MPPED1: variants seen among roughly 807,000 people sequenced by gnomAD.
MPPED1 encodes metallophosphoesterase domain-containing protein 1.
In MPPED1, 16 loss-of-function variants were observed where a neutral mutation model predicts 36.2. The ratio of observed to expected loss-of-function variants is 0.44; its 90% CI spans 0.30 to 0.67. The LOEUF (loss-of-function observed/expected upper bound fraction) is 0.67. Ranked by LOEUF, MPPED1 falls within the 30% of genes least tolerant of loss-of-function variation. The pLI is 0.10. For synonymous variants in MPPED1, 199 were observed against 191.3 expected, an observed-to-expected ratio of 1.04 and a Z score of -0.33; for missense variants, 307 against 453.4, an observed-to-expected ratio of 0.68 and a Z score of 2.93.
At chr22:43,440,233 G>T (rs1007530976) in intron 3 of MPPED1, among the ~76,000 whole-genome samples, 2 of 152,252 alleles carry the variant, frequency 1.3e-5, no homozygotes, top group African/African-American at 4.8e-5. Flanking sequence ...GGAGGGCAGC[G>T]CTGTGACACA....
chr22:43,417,093 GT>G (rs1000611648), intron 1 of MPPED1: 1 of 797,388 alleles, frequency 1.3e-6, no homozygotes, highest in Non-Finnish European at 1.5e-6. Context: ...GGGGGTGGCG[GT>G]GGTGAGGAAT....
At chr22:43,490,876 C>T (rs148521375) in intron 4 of MPPED1, among the ~76,000 whole-genome samples, 7,016 of 152,204 alleles carry the variant, frequency 0.046, 240 homozygotes, top group Non-Finnish European at 0.068. Flanking sequence ...TCTGGGACCG[C>T]GGCATCAGAA....
At chr22:43,449,829 T>C (rs1442102073) in intron 3 of MPPED1, among the ~76,000 whole-genome samples, 1 of 152,124 alleles carries the variant, frequency 6.6e-6, no homozygotes, top group African/African-American at 2.4e-5. Flanking sequence ...TCACAGGGCC[T>C]TGGTGAGACC....
In MPPED1 at chr22:43,505,541, G is replaced by C; in HGVS notation, c.906G>C (p.Ala302=). Residue 302 remains alanine, a synonymous_variant, in exon 7 of 7, where the codon GCG becomes GCC. Coordinates refer to ENST00000443721, the MANE Select transcript of MPPED1 (RefSeq NM_001044370.2). ...MADGTTTYVN[A]SVCTVNYQPV... ...ATGGGACGACCACCTATGTGAATGC[G>C]TCCGTATGCACTGTGAACTACCAGC... 1 of 1,612,476 alleles carries C rather than the reference G, an allele frequency of 6.2e-7. No homozygotes were observed.
intron 3 of MPPED1, among the ~76,000 whole-genome samples, chr22:43,435,872 G>GATGAATGA (rs751617483): frequency 5.9e-5 from 9 of 152,102 alleles, no homozygotes; most frequent in African/African-American, 2.2e-4. Context: ...AAAAGAAATT[G>GATGAATGA]ATGAATGAAT....
At position 43,449,981 on chromosome 22, in the gene MPPED1, C is replaced by T. The variant is rs566982765; in HGVS notation, c.406+14766C>T. On this transcript the variant is annotated intron_variant, in intron 3 of 6. Transcript: ENST00000443721. ...TGGAGAGATGGGGCTGCAGAATGGG[C>T]GGGCCCAGCCGGGTGGCGGTGGTTT... Among the ~76,000 whole-genome samples, 13 of 152,266 alleles carry T rather than the reference C, an allele frequency of 8.5e-5. No homozygotes were observed. The South Asian group carries it at 1.0e-3, about 12-fold the overall frequency.
intron 3 of MPPED1, among the ~76,000 whole-genome samples, chr22:43,466,797 C>T (rs1023693547): frequency 1.3e-5 from 2 of 152,168 alleles, no homozygotes; most frequent in Non-Finnish European, 2.9e-5. Flanking sequence ...AGTCTCTTTC[C>T]CTTGCCTTGC....
At chr22:43,451,364 T>A (rs929410882) in intron 3 of MPPED1, among the ~76,000 whole-genome samples, 1 of 152,248 alleles carries the variant, frequency 6.6e-6, no homozygotes, top group South Asian at 2.1e-4. Flanking sequence ...CTTTTTAAAA[T>A]CGTGCATTTA....
chr22:43,491,334 ATGG>A (rs1214658940), intron 4 of MPPED1, among the ~76,000 whole-genome samples: 1 of 151,820 alleles, frequency 6.6e-6, no homozygotes, highest in Non-Finnish European at 1.5e-5. Flanking sequence ...GGTAATGGTG[ATGG>A]TGGTGATGAG....
chr22:43,486,432 C>G (rs1267589051), intron 4 of MPPED1, among the ~76,000 whole-genome samples: 1 of 152,028 alleles, frequency 6.6e-6, no homozygotes, highest in African/African-American at 2.4e-5. Context: ...AGTGCTTGGC[C>G]TTGGGGGAAG....
intron 3 of MPPED1, among the ~76,000 whole-genome samples, chr22:43,437,734 G>T (rs1218691071): frequency 1.3e-5 from 2 of 152,202 alleles, no homozygotes; most frequent in Non-Finnish European, 2.9e-5. Context: ...TTGAGGCTCT[G>T]TTGGAATGGA....
chr22:43,443,111 G>A (rs1004096761), intron 3 of MPPED1, among the ~76,000 whole-genome samples: 1 of 152,148 alleles, frequency 6.6e-6, no homozygotes, highest in African/African-American at 2.4e-5. Context: ...AGGGTAGGCT[G>A]GTGGTGACTG....
intron 3 of MPPED1, among the ~76,000 whole-genome samples, chr22:43,462,778 T>C (rs1420968009): frequency 6.6e-6 from 1 of 152,120 alleles, no homozygotes; most frequent in African/African-American, 2.4e-5. Context: ...GACTGATTGA[T>C]TTCCAGTCCT....
intron 4 of MPPED1, among the ~76,000 whole-genome samples, chr22:43,483,289 G>A (rs1931806762): frequency 6.6e-6 from 1 of 152,270 alleles, no homozygotes; most frequent in African/African-American, 2.4e-5. Flanking sequence ...GGAGGGCAGG[G>A]TGGCGGGATG....
At chr22:43,423,272 C>G (rs1366708632) in intron 1 of MPPED1, among the ~76,000 whole-genome samples, 6 of 152,208 alleles carry the variant, frequency 3.9e-5, no homozygotes, top group Non-Finnish European at 5.9e-5. Flanking sequence ...GAGTATGCGG[C>G]GTCCTGAAAC....
chr22:43,413,321 C>A (rs1422114926), intron 1 of MPPED1, among the ~76,000 whole-genome samples: 1 of 146,444 alleles, frequency 6.8e-6, no homozygotes, highest in Non-Finnish European at 1.5e-5. Context: ...ATCTGCGGCG[C>A]CGGGGGGCGG....
intron 3 of MPPED1, among the ~76,000 whole-genome samples, chr22:43,435,453 A>AT (rs135070): frequency 0.02 from 3,009 of 148,230 alleles, 93 homozygotes; most frequent in African/African-American, 0.064. Context: ...TGTTTGTGGG[A>AT]TTTTTTTTTT....
intron 3 of MPPED1, among the ~76,000 whole-genome samples, chr22:43,436,298 C>T (rs1003473645): frequency 7.9e-5 from 12 of 152,156 alleles, no homozygotes; most frequent in African/African-American, 2.9e-4. Context: ...CACCTTCCTG[C>T]GCAGCCCCAC....
rs144740708 is a variant in MPPED1 at position 43,414,668 on chromosome 22, G to A, written c.-79+2510G>A. 2.7e-4 allele frequency among the ~76,000 whole-genome samples: 41 copies of A among 152,220 alleles called. No homozygotes were observed. In the East Asian group the frequency reaches 5.6e-3, roughly 21 times the overall value. ...CTGCAGTTAAGGGTGGAATTTCTGC[G>A]TTATCCCTGGATTGTCTGTCAAAGT... is the stretch of plus-strand genomic sequence containing the variant. On this transcript the variant is annotated intron_variant, in intron 1 of 6. Coordinates refer to ENST00000443721, the MANE Select transcript of MPPED1 (RefSeq NM_001044370.2).
Sources: allele counts gnomAD v4.1 joint callset (sites outside exome capture counted in the v4.1 genomes callset), GRCh38; gene constraint gnomAD v4.1.1; transcripts MANE v1.5; gene names NCBI Gene and HGNC (gene_info 2026-07-23, HGNC 2026-07-21).